Variants in CYP7B1 observed in about 807,000 individuals in gnomAD.
The protein encoded by CYP7B1 is cytochrome P450 7B1.
CYP7B1 carries 29 observed loss-of-function variants against 42.7 expected under a neutral mutation model. The observed-to-expected ratio is 0.68, with a 90% CI of 0.51 to 0.93. The LOEUF is 0.93. Ranked by LOEUF, CYP7B1 falls within the 40% of genes least tolerant of loss-of-function variation. The pLI is 0.00. For missense variants in CYP7B1, 655 were observed against 600.5 expected (o/e 1.09, Z -0.95); for synonymous variants, 235 against 218.2 (o/e 1.08, Z -0.68).
At chr8:64,648,408 C>A (rs1805986575) in intron 1 of CYP7B1, among the ~76,000 whole-genome samples, 2 of 152,152 alleles carry the variant, frequency 1.3e-5, no homozygotes, top group African/African-American at 2.4e-5. Flanking sequence ...AATGATGGTA[C>A]CTGTCCTGGC....
chr8:64,624,463 A>G lies in CYP7B1; in HGVS notation c.199T>C (p.Leu67=). ...TTTTGAAGTGTTTTCATGAACCTTA[A>G]GGGGTCTTTTCGTAAGTTCAGGACC... ...GVVLNLRKDP[L]RFMKTLQKQH... The change falls in exon 2 of 6, where the codon TTA becomes CTA. Residue 67 remains leucine, a synonymous_variant. Coordinates refer to ENST00000310193, the MANE Select transcript of CYP7B1 (RefSeq NM_004820.5). 1 of 1,613,904 alleles carries G rather than the reference A, an allele frequency of 6.2e-7. No homozygotes were observed. Among genetic ancestry groups the G allele is most frequent in the South Asian group, 1.1e-5 (1 of 91,054 alleles).
chr8:64,615,419 G>C (rs867523516), intron 3 of CYP7B1, among the ~76,000 whole-genome samples, 187 bp from the exon 4 acceptor site: 1 of 149,642 alleles, frequency 6.7e-6, no homozygotes, highest in Non-Finnish European at 1.5e-5. Context: ...AATGTGTATG[G>C]GGGGGGCGGT....
chr8:64,726,035 C>G (rs958228186), intron 1 of CYP7B1, among the ~76,000 whole-genome samples: 1 of 152,200 alleles, frequency 6.6e-6, no homozygotes, highest in Non-Finnish European at 1.5e-5. Flanking sequence ...CTGTGAGGAT[C>G]TGACTGACAT....
chr8:64,652,540 T>A (rs1806055031), intron 1 of CYP7B1, among the ~76,000 whole-genome samples: 1 of 152,152 alleles, frequency 6.6e-6, no homozygotes. Context: ...ATCTTGCAAT[T>A]ACATGGAAAT....
chr8:64,783,663 C>T (rs1318427340), intron 1 of CYP7B1, among the ~76,000 whole-genome samples: 1 of 151,892 alleles, frequency 6.6e-6, no homozygotes, highest in East Asian at 1.9e-4. Context: ...CCATGATAAT[C>T]TGGTATTCTG....
At chr8:64,642,380 C>G (rs1278417583) in intron 1 of CYP7B1, among the ~76,000 whole-genome samples, 3 of 152,026 alleles carry the variant, frequency 2.0e-5, no homozygotes, top group African/African-American at 7.2e-5. Flanking sequence ...GTGTGTCTTC[C>G]TGTTTTATTT....
chr8:64,757,807 G>A (rs10957322), intron 1 of CYP7B1, among the ~76,000 whole-genome samples: 35,157 of 152,144 alleles, frequency 0.23, 4,528 homozygotes, highest in African/African-American at 0.34. Flanking sequence ...TCTGGAGAGC[G>A]TGGAGGAGTT....
At chr8:64,656,814 G>A (rs1046849043) in intron 1 of CYP7B1, among the ~76,000 whole-genome samples, 44 of 152,060 alleles carry the variant, frequency 2.9e-4, no homozygotes, top group African/African-American at 1.0e-3. Flanking sequence ...TTATAATAAC[G>A]TGATGTTACA....
At chr8:64,720,849 T>C (rs990456225) in intron 1 of CYP7B1, among the ~76,000 whole-genome samples, 13 of 152,112 alleles carry the variant, frequency 8.5e-5, no homozygotes, top group Admixed American at 2.0e-4. Flanking sequence ...GAAAGTGCTA[T>C]ATACTTTCTC....
At chr8:64,703,240 A>G (rs1387727516) in intron 1 of CYP7B1, among the ~76,000 whole-genome samples, 1 of 151,998 alleles carries the variant, frequency 6.6e-6, no homozygotes, top group Non-Finnish European at 1.5e-5. Context: ...GCATTTTTAA[A>G]CAAAATAAAA....
intron 1 of CYP7B1, among the ~76,000 whole-genome samples, chr8:64,751,392 C>G (rs1448976450): frequency 6.6e-6 from 1 of 152,084 alleles, no homozygotes; most frequent in Non-Finnish European, 1.5e-5. Context: ...CCATTAAGTA[C>G]TCCTATACGA....
chr8:64,699,413 G>GATCATCCA (rs1175439400), intron 1 of CYP7B1, among the ~76,000 whole-genome samples: 7 of 151,984 alleles, frequency 4.6e-5, no homozygotes. Context: ...TGTACAGTAT[G>GATCATCCA]ATCATCCAAA....
chr8:64,711,295 C>A (rs1807075584), intron 1 of CYP7B1, among the ~76,000 whole-genome samples: 1 of 152,142 alleles, frequency 6.6e-6, no homozygotes, highest in African/African-American at 2.4e-5. Flanking sequence ...TATTTGTATA[C>A]AACTCACAGC....
intron 1 of CYP7B1, among the ~76,000 whole-genome samples, chr8:64,790,380 ATTACAT>A (rs1427652806): frequency 6.6e-6 from 1 of 152,186 alleles, no homozygotes; most frequent in African/African-American, 2.4e-5. Flanking sequence ...ACCCTAGGAG[ATTACAT>A]TTAAAATACT....
At chr8:64,731,152 G>A (rs1807403094) in intron 1 of CYP7B1, among the ~76,000 whole-genome samples, 1 of 152,166 alleles carries the variant, frequency 6.6e-6, no homozygotes, top group South Asian at 2.1e-4. Context: ...GCGGGAGAAT[G>A]GAGTATAGTA....
chr8:64,678,084 G>T (rs1806478884), intron 1 of CYP7B1, among the ~76,000 whole-genome samples: 1 of 152,080 alleles, frequency 6.6e-6, no homozygotes, highest in African/African-American at 2.4e-5. Context: ...GCTGTCCTAA[G>T]CTCTGACCTG....
intron 1 of CYP7B1, among the ~76,000 whole-genome samples, chr8:64,683,073 T>C (rs1806563678): frequency 6.6e-6 from 1 of 152,172 alleles, no homozygotes; most frequent in Non-Finnish European, 1.5e-5. Flanking sequence ...TAGTGTTTCC[T>C]CTCCATCCAG....
At chr8:64,720,412 T>C (rs559117619) in intron 1 of CYP7B1, among the ~76,000 whole-genome samples, 1 of 152,166 alleles carries the variant, frequency 6.6e-6, no homozygotes, top group Non-Finnish European at 1.5e-5. Flanking sequence ...AGCTGACCTA[T>C]AAAAGAGTAA....
intron 1 of CYP7B1, among the ~76,000 whole-genome samples, chr8:64,679,013 A>G (rs1398412782): frequency 6.6e-6 from 1 of 152,070 alleles, no homozygotes; most frequent in East Asian, 1.9e-4. Flanking sequence ...TATATTGCAT[A>G]TATATGACAG....
Sources: allele counts gnomAD v4.1 joint callset (sites outside exome capture counted in the v4.1 genomes callset), GRCh38; gene constraint gnomAD v4.1.1; transcripts MANE v1.5; gene names NCBI Gene and HGNC (gene_info 2026-07-23, HGNC 2026-07-21).